The following ADIPOR2 variants were observed in gnomAD, a reference collection of about 807,000 sequenced individuals.
ADIPOR2 encodes adiponectin receptor protein 2.
In ADIPOR2, 18 loss-of-function variants were observed where a neutral mutation model predicts 40.9. That is an observed-to-expected ratio of 0.44 (90% confidence interval 0.30 to 0.65). The LOEUF is 0.65. Among genes scored for constraint, ADIPOR2 ranks in the 30% least tolerant of loss-of-function variants. The probability of loss-of-function intolerance (pLI) is 0.09; values close to 1 mark genes in which losing one functional copy is unlikely to be tolerated. For missense variants in ADIPOR2, 283 were observed against 479.2 expected, an observed-to-expected ratio of 0.59 and a Z score of 3.82; for synonymous variants, 165 against 166.4, an observed-to-expected ratio of 0.99 and a Z score of 0.06.
At chr12:1,722,316 AG>A (rs1307870268) in intron 1 of ADIPOR2, among the ~76,000 whole-genome samples, 1 of 152,148 alleles carries the variant, frequency 6.6e-6, no homozygotes, top group Non-Finnish European at 1.5e-5. Flanking sequence ...ATAAGACTGG[AG>A]GGGAGAGCAA....
At chr12:1,703,287 A>G (rs2094654267) in intron 1 of ADIPOR2, among the ~76,000 whole-genome samples, 1 of 152,242 alleles carries the variant, frequency 6.6e-6, no homozygotes, top group African/African-American at 2.4e-5. Context: ...TTACAGTGCA[A>G]AATTTTTGCA....
intron 1 of ADIPOR2, among the ~76,000 whole-genome samples, chr12:1,699,232 C>A (rs976465658): frequency 2.6e-5 from 4 of 152,164 alleles, no homozygotes; most frequent in Non-Finnish European, 1.5e-5. Flanking sequence ...TAAATTGGTT[C>A]ATGAACCAGT....
intron 1 of ADIPOR2, among the ~76,000 whole-genome samples, chr12:1,721,314 C>G (rs1357021278): frequency 7.9e-6 from 1 of 126,738 alleles, no homozygotes; most frequent in Non-Finnish European, 1.6e-5. Context: ...CTCCCGGGTT[C>G]AAGTGATTCT....
chr12:1,723,613 C>A (rs2154442232), intron 1 of ADIPOR2, among the ~76,000 whole-genome samples: 1 of 151,934 alleles, frequency 6.6e-6, no homozygotes, highest in South Asian at 2.1e-4. Context: ...GCATTCCAGT[C>A]TGGGTGACAG....
rs1161198114 is a variant in ADIPOR2 at position 1,754,534 on chromosome 12, T to C, written c.171+20T>C. On this transcript the variant is annotated intron_variant, in intron 2 of 7. Transcript: ENST00000357103. ...AAAAAAGTAAGTCAAATTGGAAGAATGATAAACAAAGGAAAAAATGTGGAG... is the reference window on the plus strand; with the variant it reads ...AAAAAAGTAAGTCAAATTGGAAGAACGATAAACAAAGGAAAAAATGTGGAG... 1 of 1,581,840 alleles carries C rather than the reference T, an allele frequency of 6.3e-7. No homozygotes were observed. Among genetic ancestry groups the C allele is most frequent in the Non-Finnish European group, 8.6e-7 (1 of 1,164,034 alleles).
chr12:1,742,093 C>T (rs2094744050), intron 1 of ADIPOR2, among the ~76,000 whole-genome samples: 1 of 151,664 alleles, frequency 6.6e-6, no homozygotes, highest in Admixed American at 6.6e-5. Context: ...TTTTTTGTCA[C>T]TTTTCTCTCT....
chr12:1,739,461 A>G (rs1265187925), intron 1 of ADIPOR2, among the ~76,000 whole-genome samples: 3 of 152,252 alleles, frequency 2.0e-5, no homozygotes, highest in Admixed American at 1.3e-4. Context: ...TGTATGGCTC[A>G]TGAGCAAAGA....
chr12:1,762,038 G>A (rs1282585188), intron 2 of ADIPOR2, among the ~76,000 whole-genome samples: 1 of 152,128 alleles, frequency 6.6e-6, no homozygotes, highest in Non-Finnish European at 1.5e-5. Context: ...TGTTCATTGA[G>A]CTGCAGCCGC....
chr12:1,694,225 C>T (rs2094633309), intron 1 of ADIPOR2, among the ~76,000 whole-genome samples: 1 of 152,192 alleles, frequency 6.6e-6, no homozygotes, highest in South Asian at 2.1e-4. Context: ...TTCATGCAGT[C>T]TGATTTGAGA....
intron 1 of ADIPOR2, among the ~76,000 whole-genome samples, chr12:1,729,149 G>A (rs746573658): frequency 1.6e-4 from 25 of 152,072 alleles, no homozygotes; most frequent in Non-Finnish European, 7.4e-5. Context: ...CATCAAGACT[G>A]TTGGTCTTCC....
chr12:1,744,088 C>A (rs2154443039), intron 1 of ADIPOR2, among the ~76,000 whole-genome samples: 1 of 150,490 alleles, frequency 6.6e-6, no homozygotes, highest in African/African-American at 2.4e-5. Context: ...GGATAAAATG[C>A]TTGAAAAGTC....
At chr12:1,725,019 A>G (rs140422683) in intron 1 of ADIPOR2, among the ~76,000 whole-genome samples, 1 of 152,326 alleles carries the variant, frequency 6.6e-6, no homozygotes, top group African/African-American at 2.4e-5. Flanking sequence ...AAGTGTCATT[A>G]TGAAAGAGGG....
intron 2 of ADIPOR2, chr12:1,757,854 T>G: frequency 2.4e-6 from 2 of 821,292 alleles, no homozygotes; most frequent in Non-Finnish European, 4.4e-6. Flanking sequence ...TGTCAGGGCT[T>G]ACTTAAGTCT....
chr12:1,706,983 G>A (rs899227741), intron 1 of ADIPOR2, among the ~76,000 whole-genome samples: 7 of 152,150 alleles, frequency 4.6e-5, no homozygotes, highest in African/African-American at 4.8e-5. Context: ...TGTGAGACCC[G>A]GTCTCAAGAA....
At chr12:1,737,705 C>A (rs1285285731) in intron 1 of ADIPOR2, among the ~76,000 whole-genome samples, 1 of 152,134 alleles carries the variant, frequency 6.6e-6, no homozygotes, top group Non-Finnish European at 1.5e-5. Context: ...GCCCCAGCCT[C>A]ACGCTTGGGT....
At chr12:1,753,375 C>T (rs1029310660) in intron 1 of ADIPOR2, among the ~76,000 whole-genome samples, 2 of 152,208 alleles carry the variant, frequency 1.3e-5, no homozygotes, top group Non-Finnish European at 2.9e-5. Flanking sequence ...TTACTTGCTG[C>T]AGTCCAGTTT....
intron 2 of ADIPOR2, among the ~76,000 whole-genome samples, chr12:1,771,322 C>T (rs1025031808): frequency 7.2e-5 from 11 of 151,854 alleles, no homozygotes; most frequent in Non-Finnish European, 1.6e-4. Context: ...CATGATCGCA[C>T]CACTGTACTC....
intron 1 of ADIPOR2, among the ~76,000 whole-genome samples, chr12:1,704,547 T>C (rs985002161): frequency 6.6e-6 from 1 of 152,216 alleles, no homozygotes; most frequent in African/African-American, 2.4e-5. Flanking sequence ...AGCACATGGT[T>C]GATTGATTGA....
intron 2 of ADIPOR2, among the ~76,000 whole-genome samples, chr12:1,767,605 A>T (rs1362065894): frequency 6.6e-6 from 1 of 152,192 alleles, no homozygotes; most frequent in African/African-American, 2.4e-5. Context: ...GCTGGCTTCA[A>T]CCTGTCAACT....
Sources: gnomAD v4.1 joint callset for allele counts (sites outside exome capture counted in the v4.1 genomes callset) on GRCh38, gnomAD v4.1.1 for gene constraint, MANE v1.5 for transcripts, NCBI Gene and HGNC (gene_info 2026-07-23, HGNC 2026-07-21) for gene names.